The following SLC14A2 variants were observed in gnomAD, a reference collection of about 807,000 sequenced individuals.
SLC14A2 encodes the protein solute carrier family 14 member 2.
Under a neutral mutation model 104.6 loss-of-function variants are expected in SLC14A2, and 91 were observed. The ratio of observed to expected loss-of-function variants is 0.87; its 90% CI spans 0.73 to 1.04. The LOEUF is 1.04. Ranked by LOEUF, SLC14A2 falls within the 50% of genes least tolerant of loss-of-function variation. SLC14A2 has a pLI of 0.00. For synonymous variants in SLC14A2, 476 were observed against 466.4 expected (o/e 1.02, Z -0.27); for missense variants, 1,189 against 1,156.0 (o/e 1.03, Z -0.41).
chr18:45,282,834 T>TTTTCTTCC (rs2084776425), intron 1 of SLC14A2, among the ~76,000 whole-genome samples: 1 of 151,716 alleles, frequency 6.6e-6, no homozygotes, highest in Non-Finnish European at 1.5e-5. Context: ...CCTCCCTTCC[T>TTTTCTTCC]TTCTTTTCTT....
chr18:45,419,097 C>G (rs1194548730), intron 1 of SLC14A2, among the ~76,000 whole-genome samples: 4 of 152,224 alleles, frequency 2.6e-5, no homozygotes, highest in Non-Finnish European at 4.4e-5. Context: ...ATGTTTCTGA[C>G]CAGTGCTCAC....
At chr18:45,212,118 A>G (rs1057447806), upstream of SLC14A2, among the ~76,000 whole-genome samples, 1 of 152,130 alleles carries the variant, frequency 6.6e-6, no homozygotes, top group African/African-American at 2.4e-5. Flanking sequence ...GTGAAGAGGG[A>G]AAAGTGGAAT....
intron 1 of SLC14A2, among the ~76,000 whole-genome samples, chr18:45,348,637 C>T (rs568825137): frequency 1.9e-4 from 29 of 152,322 alleles, no homozygotes; most frequent in African/African-American, 6.5e-4. Flanking sequence ...GGACTCAATG[C>T]AATCATTTGC....
chr18:45,548,720 C>T (rs954014131), intron 2 of SLC14A2, among the ~76,000 whole-genome samples: 1 of 152,168 alleles, frequency 6.6e-6, no homozygotes, highest in African/African-American at 2.4e-5. Context: ...ATAAGAATCA[C>T]ATAGTTTACA....
the SLC14A2 span, among the ~76,000 whole-genome samples, chr18:45,175,841 C>T: frequency 6.6e-6 from 1 of 152,152 alleles, no homozygotes; most frequent in African/African-American, 2.4e-5. Flanking sequence ...AGGGTCTTAT[C>T]AGCTTGCTGT....
chr18:45,589,532 CCT>C (rs910036170), intron 2 of SLC14A2, among the ~76,000 whole-genome samples: 2 of 142,436 alleles, frequency 1.4e-5, no homozygotes, highest in African/African-American at 4.9e-5. Context: ...TCCCCACTCC[CCT>C]TTTTTTATTT....
chr18:45,568,327 T>C (rs1350415504), intron 2 of SLC14A2, among the ~76,000 whole-genome samples: 3 of 152,236 alleles, frequency 2.0e-5, no homozygotes, highest in African/African-American at 4.8e-5. Flanking sequence ...TACCTCATGA[T>C]TGGAGCCATG....
the SLC14A2 span, among the ~76,000 whole-genome samples, chr18:45,177,497 C>T: frequency 1.3e-5 from 2 of 152,126 alleles, no homozygotes; most frequent in East Asian, 1.9e-4. Flanking sequence ...GTGTTCCAGC[C>T]GCAGATTTTC....
chr18:45,233,656 G>A lies in SLC14A2; in HGVS notation c.-125+20465G>A, dbSNP rs1013067076. On this transcript the variant is annotated intron_variant, in intron 1 of 20. Coordinates refer to the SLC14A2 transcript ENST00000586448. ...TTCCTAGTTTCCTTGGGCTTGCTGG[G>A]CTGATCTTTCTAAGTGTCTCTTAGC... Among the ~76,000 whole-genome samples the A allele has an allele frequency of 6.6e-5, 10 of 152,180 alleles. No homozygotes were observed. The East Asian group carries it at 1.9e-3, about 29-fold the overall frequency.
chr18:45,194,646 T>TTA, the SLC14A2 span, among the ~76,000 whole-genome samples: 11 of 143,826 alleles, frequency 7.6e-5, no homozygotes, highest in Non-Finnish European at 1.7e-4. Context: ...GTCTGTAATT[T>TTA]TTTTTTTTTT....
intron 3 of SLC14A2, 126 bp downstream of exon 3, chr18:45,625,989 C>G: frequency 3.2e-6 from 2 of 629,798 alleles, no homozygotes; most frequent in Non-Finnish European, 4.7e-6. Context: ...CTGCCCAGGA[C>G]TGGACCTCAC....
intron 2 of SLC14A2, chr18:45,507,282 G>A (rs1415069499): frequency 1.6e-4 from 24 of 152,508 alleles, no homozygotes; most frequent in Non-Finnish European, 4.4e-5. Flanking sequence ...GGAGTTGGGA[G>A]AGCATTGATG....
intron 2 of SLC14A2, among the ~76,000 whole-genome samples, chr18:45,514,188 C>T (rs1372723996): frequency 6.6e-6 from 1 of 152,168 alleles, no homozygotes; most frequent in Non-Finnish European, 1.5e-5. Context: ...TTAATCAGCT[C>T]ATGGTTCTGC....
intron 16 of SLC14A2, among the ~76,000 whole-genome samples, chr18:45,671,901 C>T (rs1205775530): frequency 2.6e-5 from 4 of 152,206 alleles, no homozygotes; most frequent in African/African-American, 7.2e-5. Flanking sequence ...TGGGGAAGCC[C>T]GCATTTCCAG....
At chr18:45,418,367 T>A (rs1056368543) in intron 1 of SLC14A2, among the ~76,000 whole-genome samples, 8 of 152,140 alleles carry the variant, frequency 5.3e-5, no homozygotes, top group Non-Finnish European at 8.8e-5. Context: ...TCTGGCATTG[T>A]CATAAGAGGG....
intron 1 of SLC14A2, among the ~76,000 whole-genome samples, chr18:45,394,432 T>C (rs1328384781): frequency 6.6e-6 from 1 of 152,144 alleles, no homozygotes; most frequent in Non-Finnish European, 1.5e-5. Context: ...TATATGAAAT[T>C]TGTAGCTTTC....
chr18:45,237,223 C>T (rs1438308398), intron 1 of SLC14A2, among the ~76,000 whole-genome samples: 1 of 152,176 alleles, frequency 6.6e-6, no homozygotes, highest in African/African-American at 2.4e-5. Flanking sequence ...TCTCTTCTGA[C>T]ATTTGAAATG....
At chr18:45,171,548 T>C in the SLC14A2 span, among the ~76,000 whole-genome samples, 2 of 152,150 alleles carry the variant, frequency 1.3e-5, no homozygotes, top group Non-Finnish European at 2.9e-5. Flanking sequence ...TTTAGGTAGA[T>C]ATGATTCTTT....
chr18:45,628,174 G>T (rs1214114473), intron 4 of SLC14A2, among the ~76,000 whole-genome samples: 1 of 152,066 alleles, frequency 6.6e-6, no homozygotes, highest in East Asian at 1.9e-4. Context: ...GGCTGGGCAT[G>T]GTGGTTCACA....
Sources: allele counts gnomAD v4.1 joint callset (sites outside exome capture counted in the v4.1 genomes callset), GRCh38; gene constraint gnomAD v4.1.1; transcripts MANE v1.5; gene names NCBI Gene and HGNC (gene_info 2026-07-23, HGNC 2026-07-21).